Variants in C9orf72 observed in about 807,000 individuals in gnomAD.
C9orf72 encodes C9orf72-SMCR8 complex subunit.
Under a neutral mutation model 51.6 loss-of-function variants are expected in C9orf72, and 44 were observed. The ratio of observed to expected loss-of-function variants is 0.85; its 90% CI spans 0.67 to 1.10. The LOEUF is 1.10. Among genes scored for constraint, C9orf72 ranks in the 50% least tolerant of loss-of-function variants. C9orf72 has a pLI of 0.00. For missense variants in C9orf72, 607 were observed against 570.6 expected (o/e 1.06, Z -0.65); for synonymous variants, 213 against 194.2 (o/e 1.10, Z -0.81).
At chr9:27,561,497 T>G in intron 5 of C9orf72, 88 bp downstream of exon 5, 1 of 1,565,814 alleles carries the variant, frequency 6.4e-7, no homozygotes, top group Non-Finnish European at 8.7e-7. Context: ...GTAGACAGTC[T>G]GTTATTTTCT....
intron 3 of C9orf72, among the ~76,000 whole-genome samples, chr9:27,564,622 AT>A (rs1019059087): frequency 1.3e-5 from 2 of 152,068 alleles, no homozygotes; most frequent in African/African-American, 4.8e-5. Flanking sequence ...AAACATAACA[AT>A]TTGGTAAAGG....
rs1359333719 is a variant in C9orf72 at position 27,565,585 on chromosome 9, T to A, written c.450A>T (p.Arg150Ser). 3.7e-6 allele frequency: 6 copies of A among 1,600,254 alleles called. No individual in the cohort carries two copies. The highest frequency in any genetic ancestry group is 5.1e-6 in the Non-Finnish European group (6 of 1,170,812). ...RKGRIWMHKE[R>S]QENVQKIILE... is the part of the protein sequence containing the mutation. ...AGATAATCTTCTGGACATTTTCTTG[T>A]CTTTCCTGAGCAAGAGAAAATTTAT... is the stretch of plus-strand genomic sequence containing the variant. Residue 150 changes from arginine (R) to serine (S), a missense_variant, in exon 3 of 11, where the codon AGA becomes AGT. By Grantham distance (110) the Arg-to-Ser change is moderately radical. Coordinates refer to ENST00000380003, the MANE Select transcript of C9orf72 (RefSeq NM_018325.5).
chr9:27,563,100 CTT>C (rs1421771163), intron 3 of C9orf72, among the ~76,000 whole-genome samples: 1 of 152,036 alleles, frequency 6.6e-6, no homozygotes, highest in Non-Finnish European at 1.5e-5. Context: ...CACAAAAAGA[CTT>C]TGAAATCCTT....
In C9orf72 at chr9:27,548,434, G is replaced by GAAAAAAAAAAA; in HGVS notation, c.1260-13_1260-12insTTTTTTTTTTT. On this transcript the variant is annotated splice_polypyrimidine_tract_variant and intron_variant, in intron 10 of 10. Transcript: ENST00000380003. Reference sequence around the variant, plus strand: ...TTTTTCCCTTCTGCCTAAAAATAATGGAAAAAAAAAAAAAAAAAAAAAAAA... The same window carrying GAAAAAAAAAAA: ...TTTTTCCCTTCTGCCTAAAAATAATGAAAAAAAAAAAGAAAAAAAAAAAAAAAAAAAAAAAA... 1 of 80,732 alleles carries GAAAAAAAAAAA rather than the reference G, an allele frequency of 1.2e-5. No individual in the cohort carries two copies. The highest frequency in any genetic ancestry group is 1.9e-5 in the Non-Finnish European group (1 of 52,384). The allele number at this position is 80,732 out of a possible 1,614,324, so 5.0% of individuals were successfully genotyped here.
intron 8 of C9orf72, chr9:27,554,568 C>T: frequency 2.5e-6 from 1 of 398,208 alleles, no homozygotes; most frequent in East Asian, 3.6e-5. Flanking sequence ...ACCTGTACAC[C>T]AAACCCTCAT....
chr9:27,569,157 T>C (rs113480431), intron 1 of C9orf72, among the ~76,000 whole-genome samples: 13 of 152,260 alleles, frequency 8.5e-5, no homozygotes, highest in African/African-American at 3.1e-4. Flanking sequence ...TATTTTTGTA[T>C]AGCTATACAA....
At chr9:27,562,572 T>A (rs1403739484) in intron 3 of C9orf72, 96 bp from the exon 4 acceptor site, 2 of 529,140 alleles carry the variant, frequency 3.8e-6, no homozygotes, top group Middle Eastern at 3.5e-4. Context: ...TAACATTCTT[T>A]GATGAAAATA....
At chr9:27,558,347 AT>A (rs1157326481) in intron 7 of C9orf72, 143 bp downstream of exon 7, 1 of 627,824 alleles carries the variant, frequency 1.6e-6, no homozygotes, top group Admixed American at 2.8e-5. Flanking sequence ...CATATAGTCT[AT>A]GTGCAGAACT....
rs1319177900 is a variant in C9orf72 at position 27,561,616 on chromosome 9, CAAT to C, written c.631_633del (p.Ile211del). On this transcript the variant is annotated inframe_deletion, in exon 5 of 11. Coordinates refer to ENST00000380003, the MANE Select transcript of C9orf72 (RefSeq NM_018325.5). ...AGAAAGCCTTCATGACAGCTGTCAC[CAAT>C]ATCATCATCATTGAGTACTGTATCA... 6.2e-7 allele frequency: 1 copy of C among 1,610,900 alleles called. No individual in the cohort carries two copies. Among genetic ancestry groups the C allele is most frequent in the Non-Finnish European group, 8.5e-7 (1 of 1,178,164 alleles).
At chr9:27,562,031 A>C (rs1407551665) in intron 4 of C9orf72, among the ~76,000 whole-genome samples, 2 of 152,234 alleles carry the variant, frequency 1.3e-5, no homozygotes, top group East Asian at 1.9e-4. Flanking sequence ...GACTACAAGT[A>C]AACTTCCATT....
intron 6 of C9orf72, 121 bp from the exon 7 acceptor site, chr9:27,558,728 T>A: frequency 1.7e-6 from 1 of 577,768 alleles, no homozygotes; most frequent in South Asian, 2.2e-5. Context: ...AAATAAGTAT[T>A]CTTTAGTCAC....
Position 27,558,527 on chromosome 9 carries a change from T to A in C9orf72, c.819A>T (p.Lys273Asn). 1.9e-6 allele frequency: 3 copies of A among 1,607,546 alleles called. No individual in the cohort carries two copies. The highest frequency in any genetic ancestry group is 1.7e-6 in the Non-Finnish European group (2 of 1,176,976). Reference sequence around the variant, plus strand: ...CTTGTACAAAGAGCCCTGACTCATATTTAAATGATGATTCTGCTTCACATA... The same window carrying A: ...CTTGTACAAAGAGCCCTGACTCATAATTAAATGATGATTCTGCTTCACATA... ...SRLCEAESSFKYESGLFVQGL... is the reference protein window; with the variant it reads ...SRLCEAESSFNYESGLFVQGL... Residue 273 changes from lysine (K) to asparagine (N), a missense_variant, in exon 7 of 11, where the codon AAA becomes AAT. Coordinates refer to ENST00000380003, the MANE Select transcript of C9orf72 (RefSeq NM_018325.5).
At chr9:27,549,678 T>A (rs1197454280) in intron 9 of C9orf72, among the ~76,000 whole-genome samples, 30 of 152,060 alleles carry the variant, frequency 2.0e-4, no homozygotes, top group Admixed American at 1.9e-3. Flanking sequence ...TAGATATTTT[T>A]TAAAAGAATG....
chr9:27,554,388 C>G (rs969767983), intron 8 of C9orf72, among the ~76,000 whole-genome samples: 1 of 152,156 alleles, frequency 6.6e-6, no homozygotes, highest in East Asian at 1.9e-4. Flanking sequence ...AATCCAGGAA[C>G]AGAAAACCAA....
chr9:27,548,715 C>T (rs376835503), intron 9 of C9orf72, 49 bp from the exon 10 acceptor site: 2 of 1,050,842 alleles, frequency 1.9e-6, no homozygotes, highest in Non-Finnish European at 1.5e-6. Context: ...ACATTCTACT[C>T]GTACAGAAGT....
At chr9:27,564,156 C>CA (rs11438223) in intron 3 of C9orf72, among the ~76,000 whole-genome samples, 17,081 of 86,292 alleles carry the variant, frequency 0.2, 1,363 homozygotes, top group Non-Finnish European at 0.23. Flanking sequence ...TCAACAACAC[C>CA]AAAAAAAAAA....
At chr9:27,563,586 A>G (rs145159216) in intron 3 of C9orf72, among the ~76,000 whole-genome samples, 1 of 152,276 alleles carries the variant, frequency 6.6e-6, no homozygotes, top group East Asian at 1.9e-4. Flanking sequence ...AAGCATCTTT[A>G]AGTTAGAATC....
chr9:27,566,966 A>G lies in C9orf72; in HGVS notation c.155T>C (p.Val52Ala). 6.2e-7 allele frequency: 1 copy of G among 1,614,134 alleles called. No homozygotes were observed. Among genetic ancestry groups the G allele is most frequent in the Non-Finnish European group, 8.5e-7 (1 of 1,179,950 alleles). Residue 52 changes from valine (V) to alanine (A), a missense_variant, in exon 2 of 11, where the codon GTA (valine) becomes GCA (alanine). Transcript: ENST00000380003. ...AGTTATTTCTCCATCACTGAGAAGT[A>G]CCTGTTCTGTCTTTGGAGCCCAAAT... ...RHIWAPKTEQVLLSDGEITFL... is the reference protein window; with the variant it reads ...RHIWAPKTEQALLSDGEITFL...
intron 1 of C9orf72, among the ~76,000 whole-genome samples, chr9:27,568,164 A>T (rs1378524870): frequency 6.6e-6 from 1 of 151,302 alleles, no homozygotes; most frequent in Admixed American, 6.6e-5. Flanking sequence ...ACAGTCCTGT[A>T]TCCTCAGTGA....
Sources: gnomAD v4.1 joint callset for allele counts (sites outside exome capture counted in the v4.1 genomes callset) on GRCh38, gnomAD v4.1.1 for gene constraint, MANE v1.5 for transcripts, NCBI Gene and HGNC (gene_info 2026-07-23, HGNC 2026-07-21) for gene names.